The following CDK13 variants were observed in gnomAD, a reference collection of about 807,000 sequenced individuals.
The protein encoded by CDK13 is cyclin-dependent kinase 13.
In CDK13, 40 loss-of-function variants were observed where a neutral mutation model predicts 137.6. The ratio of observed to expected loss-of-function variants is 0.29; its 90% CI spans 0.23 to 0.38. The LOEUF (loss-of-function observed/expected upper bound fraction) is 0.38. CDK13 is among the 10% of genes least tolerant of loss of function. The pLI is 1.00. For synonymous variants in CDK13, 869 were observed against 760.1 expected, an observed-to-expected ratio of 1.14 and a Z score of -2.36; for missense variants, 1,704 against 1,951.8, an observed-to-expected ratio of 0.87 and a Z score of 2.39.
intron 5 of CDK13, among the ~76,000 whole-genome samples, chr7:40,010,548 G>A (rs565926496): frequency 6.6e-6 from 1 of 152,312 alleles, no homozygotes; most frequent in African/African-American, 2.4e-5. Context: ...GCTGGGCATG[G>A]TGGCATGCAC....
At chr7:40,042,808 C>G (rs1436691984) in intron 5 of CDK13, among the ~76,000 whole-genome samples, 1 of 147,650 alleles carries the variant, frequency 6.8e-6, no homozygotes, top group Non-Finnish European at 1.5e-5. Context: ...GAGACTGGGT[C>G]TGTCTCCTTC....
At chr7:39,966,220 C>T (rs1464050650) in intron 1 of CDK13, among the ~76,000 whole-genome samples, 1 of 152,216 alleles carries the variant, frequency 6.6e-6, no homozygotes, top group Admixed American at 6.5e-5. Context: ...TGTTTTCCAA[C>T]TTGGTTCCAT....
chr7:39,991,438 A>C (rs866547774), intron 2 of CDK13, among the ~76,000 whole-genome samples: 1 of 151,852 alleles, frequency 6.6e-6, no homozygotes, highest in African/African-American at 2.4e-5. Flanking sequence ...CTGTATCTAT[A>C]TTCCTGGTTG....
chr7:39,985,860 C>CT (rs767439723), intron 1 of CDK13: 2 of 152,126 alleles, frequency 1.3e-5, no homozygotes, highest in African/African-American at 2.4e-5. Flanking sequence ...TTATTGGAGT[C>CT]TCTTGAGAGC....
chr7:40,078,684 A>G (rs1786598053), intron 10 of CDK13, 36 bp from the exon 11 acceptor site: 2 of 1,351,474 alleles, frequency 1.5e-6, no homozygotes, highest in Non-Finnish European at 1.9e-6. Context: ...TTGTGTCTAA[A>G]GAACACATCT....
chr7:40,098,579 G>A lies in CDK13; in HGVS notation c.*3599G>A, dbSNP rs1787089080. Reference sequence around the variant, plus strand: ...CTTTTGATGTTTTAAAAGTCTGAACGAGATGTCCCAGTAACCTAAAATTAT... The same window carrying A: ...CTTTTGATGTTTTAAAAGTCTGAACAAGATGTCCCAGTAACCTAAAATTAT... On this transcript the variant is annotated 3_prime_UTR_variant, in exon 14 of 14. Coordinates refer to ENST00000181839, the MANE Select transcript of CDK13 (RefSeq NM_003718.5). 1 of 148,794 alleles carries A rather than the reference G, an allele frequency of 6.7e-6. No homozygotes were observed. Among genetic ancestry groups the A allele is most frequent in the Non-Finnish European group, 1.5e-5 (1 of 67,600 alleles). The allele number at this position is 148,794 out of a possible 1,614,324, so 9.2% of individuals were successfully genotyped here. A position where few individuals can be genotyped will look rare whatever the true frequency, so the allele number is the denominator to read the frequency against.
chr7:40,059,648 CA>C (rs1786097150), intron 7 of CDK13, among the ~76,000 whole-genome samples: 1 of 152,166 alleles, frequency 6.6e-6, no homozygotes, highest in East Asian at 1.9e-4. Flanking sequence ...TGAGCCACTG[CA>C]CCCAGCCTTC....
In CDK13 at chr7:40,021,153, A is replaced by ACACAC. The variant is rs781461656; in HGVS notation, c.2353+19122_2353+19123insCACAC. On this transcript the variant is annotated intron_variant, in intron 5 of 13. Transcript: ENST00000181839. ...CACACACACACACACACACACACAT[A>ACACAC]AAGTTTTAAGTCTGAAATTCCCAAA... Among the ~76,000 whole-genome samples, 46 of 151,128 alleles carry ACACAC rather than the reference A, an allele frequency of 3.0e-4. 1 individual carries two copies. Among genetic ancestry groups the ACACAC allele is most frequent in the Non-Finnish European group, 5.8e-4 (39 of 67,776 alleles).
At chr7:39,961,734 C>G (rs1044682893) in intron 1 of CDK13, among the ~76,000 whole-genome samples, 2 of 152,002 alleles carry the variant, frequency 1.3e-5, no homozygotes, top group African/African-American at 4.8e-5. Flanking sequence ...GTGCTGCACC[C>G]ATTAACTCAT....
At chr7:40,040,474 C>T (rs1283622516) in intron 5 of CDK13, among the ~76,000 whole-genome samples, 2 of 152,186 alleles carry the variant, frequency 1.3e-5, no homozygotes, top group Non-Finnish European at 2.9e-5. Context: ...CCCCCTTTCT[C>T]TTTCAGGTGT....
intron 4 of CDK13, among the ~76,000 whole-genome samples, chr7:40,000,232 C>G (rs373997578): frequency 1.6e-3 from 237 of 152,162 alleles, no homozygotes; most frequent in African/African-American, 5.6e-3. Flanking sequence ...AAAAGTTAGC[C>G]GGGCATAGTG....
Position 39,950,738 on chromosome 7 carries a change from T to TC in CDK13, c.101dup (p.Gln35SerfsTer101). On this transcript the variant is annotated frameshift_variant, in exon 1 of 14. Transcript: ENST00000181839. LOFTEE classifies it high-confidence loss of function. Reference sequence around the variant, plus strand: ...ACGCCGCAAGCGGAGGCGATTCCTGTCCCCTCAGCAGCCGCCGCTGCTGTT... The same window carrying TC: ...ACGCCGCAAGCGGAGGCGATTCCTGTCCCCCTCAGCAGCCGCCGCTGCTGTT... The TC allele has an allele frequency of 6.8e-7, 1 of 1,470,018 alleles. No homozygotes were observed. The highest frequency in any genetic ancestry group is 8.9e-7 in the Non-Finnish European group (1 of 1,118,536). The allele number at this position is 1,470,018 out of a possible 1,614,324, so 91.1% of individuals were successfully genotyped here. A position where few individuals can be genotyped will look rare whatever the true frequency, so the allele number is the denominator to read the frequency against.
At chr7:40,088,649 A>G (rs1002593450) in intron 12 of CDK13, among the ~76,000 whole-genome samples, 7 of 152,196 alleles carry the variant, frequency 4.6e-5, no homozygotes, top group African/African-American at 1.7e-4. Context: ...TCAGCATTCA[A>G]TGTCTATAGA....
At chr7:40,052,072 G>A (rs1030395566) in intron 7 of CDK13, among the ~76,000 whole-genome samples, 2 of 152,016 alleles carry the variant, frequency 1.3e-5, no homozygotes, top group Non-Finnish European at 2.9e-5. Context: ...AAAGGATGGA[G>A]TATCTTTCTC....
intron 1 of CDK13, among the ~76,000 whole-genome samples, chr7:39,973,789 T>G (rs1784049849): frequency 1.3e-5 from 2 of 152,230 alleles, no homozygotes; most frequent in African/African-American, 4.8e-5. Context: ...TCTAGCTTCA[T>G]TCTTTTGTGT....
chr7:40,080,525 G>A (rs926290946), intron 11 of CDK13, among the ~76,000 whole-genome samples: 1 of 152,068 alleles, frequency 6.6e-6, no homozygotes, highest in African/African-American at 2.4e-5. Flanking sequence ...TGGCCTTTAT[G>A]GGATGATTTG....
At chr7:40,065,848 A>T (rs539760302) in intron 9 of CDK13, among the ~76,000 whole-genome samples, 3 of 152,328 alleles carry the variant, frequency 2.0e-5, no homozygotes, top group African/African-American at 7.2e-5. Context: ...ACATATATGC[A>T]ATATAAATTA....
At chr7:39,971,254 A>T (rs566751430) in intron 1 of CDK13, among the ~76,000 whole-genome samples, 1 of 152,286 alleles carries the variant, frequency 6.6e-6, no homozygotes, top group Admixed American at 6.5e-5. Context: ...GTGGTGGCTC[A>T]TGCCTGTAAT....
At chr7:40,015,475 G>GGGT (rs1446408848) in intron 5 of CDK13, among the ~76,000 whole-genome samples, 1 of 152,116 alleles carries the variant, frequency 6.6e-6, no homozygotes, top group Admixed American at 6.6e-5. Flanking sequence ...CTGCAAAATG[G>GGGT]GGTAATAATG....
Sources: gnomAD v4.1 joint callset for allele counts (sites outside exome capture counted in the v4.1 genomes callset) on GRCh38, gnomAD v4.1.1 for gene constraint, MANE v1.5 for transcripts, NCBI Gene and HGNC (gene_info 2026-07-23, HGNC 2026-07-21) for gene names.